The following DCDC1 variants were observed in gnomAD, a reference collection of about 807,000 sequenced individuals.
DCDC1 encodes the protein doublecortin domain-containing protein 1.
Under a neutral mutation model 178.3 loss-of-function variants are expected in DCDC1, and 200 were observed. The ratio of observed to expected loss-of-function variants is 1.12; its 90% confidence interval spans 1.00 to 1.26. DCDC1 has a LOEUF of 1.26. Ranked by LOEUF, DCDC1 falls within the 50% of genes most tolerant of loss-of-function variation. The pLI, the probability that DCDC1 is intolerant of heterozygous loss-of-function variation, is 0.00. For synonymous variants in DCDC1, 690 were observed against 604.8 expected (o/e 1.14, Z -2.07); for missense variants, 1,983 against 1,749.2 (o/e 1.13, Z -2.38).
intron 20 of DCDC1, among the ~76,000 whole-genome samples, chr11:31,051,506 G>A (rs192020357): frequency 4.0e-4 from 61 of 152,240 alleles, no homozygotes; most frequent in Admixed American, 3.1e-3. Context: ...AAAGATCTTC[G>A]CCCAGGCACA....
chr11:31,023,942 G>C (rs930488102), intron 20 of DCDC1, among the ~76,000 whole-genome samples: 4 of 151,956 alleles, frequency 2.6e-5, no homozygotes, highest in Non-Finnish European at 4.4e-5. Flanking sequence ...CTCACTAGTT[G>C]CTGGTTATAT....
intron 11 of DCDC1, among the ~76,000 whole-genome samples, chr11:31,120,056 ATTCATTTAAAATCTTC>A (rs1960572323): frequency 6.6e-6 from 1 of 152,148 alleles, no homozygotes; most frequent in South Asian, 2.1e-4. Context: ...TTACTGGACT[ATTCATTTAAAATCTTC>A]TTCCTTTCTG....
chr11:30,902,879 G>A (rs1231220997), intron 32 of DCDC1, among the ~76,000 whole-genome samples: 1 of 152,166 alleles, frequency 6.6e-6, no homozygotes, highest in Non-Finnish European at 1.5e-5. Flanking sequence ...CACAGTCACT[G>A]CCCTCAAATT....
At chr11:30,881,403 G>T in intron 36 of DCDC1, 95 bp from the exon 37 acceptor site, 2 of 1,454,424 alleles carry the variant, frequency 1.4e-6, no homozygotes, top group Non-Finnish European at 1.9e-6. Flanking sequence ...TATTATCCCA[G>T]TTTGATTATT....
intron 9 of DCDC1, among the ~76,000 whole-genome samples, chr11:31,170,691 A>G (rs910470495): frequency 6.6e-6 from 1 of 152,208 alleles, no homozygotes; most frequent in African/African-American, 2.4e-5. Context: ...ACATACTGTA[A>G]AAGCAAATGG....
chr11:31,118,390 A>G lies in DCDC1; in HGVS notation c.1486-8029T>C, dbSNP rs191306850. Among the ~76,000 whole-genome samples the G allele has an allele frequency of 2.0e-5, 3 of 152,250 alleles. No homozygotes were observed. The East Asian group carries it at 5.8e-4, about 29-fold the overall frequency. ...TTTTTTTCATCATAAAACACAATCA[A>G]AACTAGGTAGAATCTTAAGTAGGTG... is the stretch of plus-strand genomic sequence containing the variant. On this transcript the variant is annotated intron_variant, in intron 11 of 38. Coordinates refer to ENST00000684477, the MANE Select transcript of DCDC1 (RefSeq NM_001387274.1).
At chr11:31,363,355 C>G (rs1182441053) in intron 1 of DCDC1, among the ~76,000 whole-genome samples, 4 of 152,136 alleles carry the variant, frequency 2.6e-5, no homozygotes, top group African/African-American at 9.6e-5. Context: ...TATTTTAAAA[C>G]AAGAGTTATT....
chr11:31,043,029 C>A (rs973994534), intron 20 of DCDC1, among the ~76,000 whole-genome samples: 2 of 152,188 alleles, frequency 1.3e-5, no homozygotes, highest in Admixed American at 1.3e-4. Flanking sequence ...GAGATGGTAT[C>A]GCCTACTATA....
intron 9 of DCDC1, among the ~76,000 whole-genome samples, chr11:31,211,010 C>T (rs891036449): frequency 1.3e-5 from 2 of 152,126 alleles, no homozygotes; most frequent in Admixed American, 6.5e-5. Flanking sequence ...CTGAAGAAGG[C>T]TATTTTGCAA....
At chr11:31,241,157 T>G (rs1401833714) in intron 9 of DCDC1, among the ~76,000 whole-genome samples, 1 of 152,026 alleles carries the variant, frequency 6.6e-6, no homozygotes, top group Non-Finnish European at 1.5e-5. Context: ...TTCTCTTATT[T>G]AAAGTAATTG....
chr11:31,029,520 A>C (rs1300281897), intron 20 of DCDC1, among the ~76,000 whole-genome samples: 2 of 152,124 alleles, frequency 1.3e-5, no homozygotes, highest in African/African-American at 4.8e-5. Context: ...ATATAGTTTT[A>C]TAAGCTCTTT....
intron 38 of DCDC1, among the ~76,000 whole-genome samples, chr11:30,873,825 C>T (rs770523180): frequency 3.9e-5 from 6 of 152,164 alleles, no homozygotes; most frequent in Non-Finnish European, 7.3e-5. Flanking sequence ...TACTCCGCTC[C>T]CTGATATATG....
intron 9 of DCDC1, among the ~76,000 whole-genome samples, chr11:31,174,662 A>G (rs543155460): frequency 1.7e-4 from 26 of 152,268 alleles, no homozygotes; most frequent in Non-Finnish European, 3.5e-4. Context: ...ATAGCTGCCC[A>G]TGGATGAATC....
chr11:31,047,863 T>G (rs1435171748), intron 20 of DCDC1, among the ~76,000 whole-genome samples: 1 of 152,196 alleles, frequency 6.6e-6, no homozygotes, highest in Non-Finnish European at 1.5e-5. Context: ...AAGGCAGGAA[T>G]TCAGATTCTT....
chr11:31,188,138 T>A (rs1969723251), intron 9 of DCDC1, among the ~76,000 whole-genome samples: 1 of 152,128 alleles, frequency 6.6e-6, no homozygotes, highest in African/African-American at 2.4e-5. Flanking sequence ...CCTCATTTAA[T>A]CTGATGACAA....
intron 38 of DCDC1, among the ~76,000 whole-genome samples, chr11:30,870,799 A>C (rs1941478181): frequency 6.6e-6 from 1 of 152,206 alleles, no homozygotes; most frequent in African/African-American, 2.4e-5. Flanking sequence ...AGGTCACCCC[A>C]CCAAAGTCAG....
At chr11:31,030,577 C>T (rs1465040581) in intron 20 of DCDC1, among the ~76,000 whole-genome samples, 1 of 152,144 alleles carries the variant, frequency 6.6e-6, no homozygotes, top group African/African-American at 2.4e-5. Flanking sequence ...GCATGGTACA[C>T]GCGCTTCACT....
intron 9 of DCDC1, among the ~76,000 whole-genome samples, chr11:31,138,393 A>C (rs1963421168): frequency 6.6e-6 from 1 of 152,212 alleles, no homozygotes; most frequent in South Asian, 2.1e-4. Context: ...ATTTCTTTAT[A>C]AATAATCCTT....
chr11:31,043,986 GC>G (rs1954653588), intron 20 of DCDC1, among the ~76,000 whole-genome samples: 1 of 151,706 alleles, frequency 6.6e-6, no homozygotes, highest in Admixed American at 6.6e-5. Flanking sequence ...TTTACAAATC[GC>G]CCTCAAAGAT....
Sources: allele counts gnomAD v4.1 joint callset (sites outside exome capture counted in the v4.1 genomes callset), GRCh38; gene constraint gnomAD v4.1.1; transcripts MANE v1.5; gene names NCBI Gene and HGNC (gene_info 2026-07-23, HGNC 2026-07-21).